The following TYSND1 variants were observed in gnomAD, a reference collection of about 807,000 sequenced individuals.
The protein encoded by TYSND1 is peroxisomal leader peptide-processing protease.
TYSND1 carries 30 observed loss-of-function variants against 37.2 expected under a neutral mutation model. That is an observed-to-expected ratio of 0.81 (90% confidence interval 0.60 to 1.09). TYSND1 has a LOEUF of 1.09. Among genes scored for constraint, TYSND1 ranks in the 50% least tolerant of loss-of-function variants. The pLI, the probability that TYSND1 is intolerant of heterozygous loss-of-function variation, is 0.00. For missense variants in TYSND1, 806 were observed against 817.4 expected, an observed-to-expected ratio of 0.99 and a Z score of 0.17; for synonymous variants, 364 against 383.8, an observed-to-expected ratio of 0.95 and a Z score of 0.60.
At chr10:70,142,515 CAGG>C (rs1199491660) in intron 3 of TYSND1, among the ~76,000 whole-genome samples, 150 bp downstream of exon 3, 3 of 152,132 alleles carry the variant, frequency 2.0e-5, no homozygotes, top group East Asian at 3.9e-4. Flanking sequence ...TCTCCACCAT[CAGG>C]AGAACAGCCT....
Position 70,138,802 on chromosome 10 carries a change from A to G in TYSND1, c.*1122T>C. On this transcript the variant is annotated 3_prime_UTR_variant, in exon 4 of 4. Transcript: ENST00000287078. ...CACCCTGCTGAGAAAACAGCACAGAAAGGGTGTATTTCTGGGTTGGGCACA... is the reference window on the plus strand; with the variant it reads ...CACCCTGCTGAGAAAACAGCACAGAGAGGGTGTATTTCTGGGTTGGGCACA... The G allele has an allele frequency of 6.6e-6, 1 of 152,330 alleles. No homozygotes were observed. The highest frequency in any genetic ancestry group is 1.5e-5 in the Non-Finnish European group (1 of 68,144). 9.4% of individuals were successfully genotyped at this position (152,330 alleles called of 1,614,324 possible).
At chr10:70,144,552 G>C in intron 1 of TYSND1, 1 of 987,624 alleles carries the variant, frequency 1.0e-6, no homozygotes, top group Non-Finnish European at 1.2e-6. Flanking sequence ...CAACTCCCGG[G>C]GAGGCAGCTT....
chr10:70,139,628 C>T lies in TYSND1; in HGVS notation c.*296G>A. On this transcript the variant is annotated 3_prime_UTR_variant, in exon 4 of 4. Transcript: ENST00000287078. The stretch of plus-strand genomic sequence containing the variant: ...ACCTGTCAGGCCCAGAACTTCTGTG[C>T]AGTTGGAGTGGGCTCCCCAGAAGGA... The T allele has an allele frequency of 3.3e-6, 1 of 302,288 alleles. No individual in the cohort carries two copies. Among genetic ancestry groups the T allele is most frequent in the Non-Finnish European group, 6.1e-6 (1 of 163,840 alleles). 18.7% of individuals were successfully genotyped at this position (302,288 alleles called of 1,614,324 possible). A position where few individuals can be genotyped will look rare whatever the true frequency, so the allele number is the denominator to read the frequency against.
intron 1 of TYSND1, among the ~76,000 whole-genome samples, chr10:70,145,188 G>A (rs1336848025): frequency 6.6e-6 from 1 of 152,150 alleles, no homozygotes; most frequent in Non-Finnish European, 1.5e-5. Context: ...GATTCAGGGT[G>A]TCCCACAGTA....
Position 70,139,549 on chromosome 10 carries a change from C to A in TYSND1, c.*375G>T, listed in dbSNP as rs1246507894. 2 of 179,996 alleles carry A rather than the reference C, an allele frequency of 1.1e-5. No individual in the cohort carries two copies. The highest frequency in any genetic ancestry group is 2.4e-5 in the African/African-American group (1 of 42,494). 11.1% of individuals were successfully genotyped at this position (179,996 alleles called of 1,614,324 possible). A position where few individuals can be genotyped will look rare whatever the true frequency, so the allele number is the denominator to read the frequency against. On this transcript the variant is annotated 3_prime_UTR_variant, in exon 4 of 4. Coordinates refer to ENST00000287078, the MANE Select transcript of TYSND1 (RefSeq NM_173555.4). ...ATTGAAGCTCCAGGATGACGATGGC[C>A]CTCAGGGGAACAGACGCAAAACCAG... is the stretch of plus-strand genomic sequence containing the variant.
At chr10:70,144,507 C>T (rs571127820) in intron 1 of TYSND1, 1 of 987,848 alleles carries the variant, frequency 1.0e-6, no homozygotes, top group Non-Finnish European at 1.2e-6. Context: ...CTGTAGCACA[C>T]GACGTGACAG....
intron 1 of TYSND1, chr10:70,144,801 C>T: frequency 2.0e-6 from 2 of 985,516 alleles, no homozygotes; most frequent in Non-Finnish European, 1.2e-6. Context: ...GGCAGTGTTA[C>T]CCACACCTGG....
chr10:70,138,164 T>C lies in TYSND1; in HGVS notation c.*1760A>G, dbSNP rs150321499. ...GCTCTCTGAACCCTGTCCTCTTGGG[T>C]TTTTATGGAAGGTTCATGACATCAA... On this transcript the variant is annotated 3_prime_UTR_variant, in exon 4 of 4. Transcript: ENST00000287078. The C allele has an allele frequency of 2.0e-5, 3 of 151,956 alleles. No individual in the cohort carries two copies. The highest frequency in any genetic ancestry group is 7.2e-5 in the African/African-American group (3 of 41,438). 9.4% of individuals were successfully genotyped at this position (151,956 alleles called of 1,614,324 possible).
At chr10:70,140,248 T>G (rs1178645158) in intron 3 of TYSND1, 107 bp from the exon 4 acceptor site, 1 of 873,770 alleles carries the variant, frequency 1.1e-6, no homozygotes, top group East Asian at 2.7e-5. Flanking sequence ...CTGGTAGGGC[T>G]GGATACCACC....
chr10:70,146,592 C>T lies in TYSND1; in HGVS notation c.-6G>A, dbSNP rs568392077. 19 of 1,520,926 alleles carry T rather than the reference C, an allele frequency of 1.2e-5. No homozygotes were observed. The highest frequency in any genetic ancestry group is 2.1e-5 in the Admixed American group (1 of 48,456). 94.2% of individuals were successfully genotyped at this position (1,520,926 alleles called of 1,614,324 possible). On this transcript the variant is annotated 5_prime_UTR_variant, in exon 1 of 4. Coordinates refer to ENST00000287078, the MANE Select transcript of TYSND1 (RefSeq NM_173555.4). Reference sequence around the variant, plus strand: ...GACCCCCACTGCCTTCTCATGGCCTCTAGGCCGGACACTCGGGAGCTTCTC... The same window carrying T: ...GACCCCCACTGCCTTCTCATGGCCTTTAGGCCGGACACTCGGGAGCTTCTC...
chr10:70,142,646 AG>A (rs1214227519), intron 3 of TYSND1, 21 bp downstream of exon 3: 2 of 1,142,630 alleles, frequency 1.8e-6, no homozygotes, highest in Non-Finnish European at 2.3e-6. Context: ...GGAGGGCGGG[AG>A]GGGGCCAAAG....
At chr10:70,140,795 C>T (rs541228285) in intron 3 of TYSND1, among the ~76,000 whole-genome samples, 1 of 152,236 alleles carries the variant, frequency 6.6e-6, no homozygotes, top group African/African-American at 2.4e-5. Flanking sequence ...ACATGAGTTG[C>T]ACTAGTTTTT....
Position 70,138,324 on chromosome 10 carries a change from T to C in TYSND1, c.*1600A>G, listed in dbSNP as rs1158884315. 1 of 152,214 alleles carries C rather than the reference T, an allele frequency of 6.6e-6. No homozygotes were observed. Among genetic ancestry groups the C allele is most frequent in the Non-Finnish European group, 1.5e-5 (1 of 68,038 alleles). The allele number at this position is 152,214 out of a possible 1,614,324, so 9.4% of individuals were successfully genotyped here. A position where few individuals can be genotyped will look rare whatever the true frequency, so the allele number is the denominator to read the frequency against. On this transcript the variant is annotated 3_prime_UTR_variant, in exon 4 of 4. Transcript: ENST00000287078. ...CCAAGCCCTAACATACCCAGTATTCTAACAAAGACTGGAACAAGGACTATG... is the reference window on the plus strand; with the variant it reads ...CCAAGCCCTAACATACCCAGTATTCCAACAAAGACTGGAACAAGGACTATG...
Position 70,139,134 on chromosome 10 carries a change from TC to T in TYSND1, c.*789del, listed in dbSNP as rs2072718310. The T allele has an allele frequency of 6.6e-6, 1 of 151,880 alleles. No homozygotes were observed. Among genetic ancestry groups the T allele is most frequent in the Admixed American group, 6.6e-5 (1 of 15,234 alleles). 9.4% of individuals were successfully genotyped at this position (151,880 alleles called of 1,614,324 possible). ...AAAAAAAAAAAGGAAAGGGTGTGTT[TC>T]TTTGCCTGGTACTTGCCTATTCCCA... On this transcript the variant is annotated 3_prime_UTR_variant, in exon 4 of 4. Coordinates refer to ENST00000287078, the MANE Select transcript of TYSND1 (RefSeq NM_173555.4).
intron 2 of TYSND1, 75 bp downstream of exon 2, chr10:70,143,767 A>G (rs779716076): frequency 6.4e-7 from 1 of 1,573,922 alleles, no homozygotes; most frequent in Non-Finnish European, 8.7e-7. Context: ...GAGAATGCCC[A>G]ACACTGATTC....
Position 70,145,659 on chromosome 10 carries a change from G to C in TYSND1, c.928C>G (p.Leu310Val). 1 of 1,391,562 alleles carries C rather than the reference G, an allele frequency of 7.2e-7. No homozygotes were observed. The highest frequency in any genetic ancestry group is 9.2e-7 in the Non-Finnish European group (1 of 1,082,462). The allele number at this position is 1,391,562 out of a possible 1,614,324, so 86.2% of individuals were successfully genotyped here. A position where few individuals can be genotyped will look rare whatever the true frequency, so the allele number is the denominator to read the frequency against. The change falls in exon 1 of 4, where the codon CTT (leucine) becomes GTT (valine). Residue 310 changes from leucine to valine, a missense_variant. By Grantham distance (32) the Leu-to-Val change is conservative (BLOSUM62 1). Around this residue, in one of 3 missense-constraint regions of TYSND1, gnomAD observed 708 missense variants for 705.4 expected, o/e 1.00. Coordinates refer to ENST00000287078, the MANE Select transcript of TYSND1 (RefSeq NM_173555.4). Reference sequence around the variant, plus strand: ...GCGGTGCTGTGCGGCAGGCGGTGAAGCGCGTCGCGGGCGGCGCGGAAAAGG... The same window carrying C: ...GCGGTGCTGTGCGGCAGGCGGTGAACCGCGTCGCGGGCGGCGCGGAAAAGG... ...APLFRAARDA[L>V]HRLPHSTAAL...
At position 70,139,829 on chromosome 10, in the gene TYSND1, G is replaced by A. The variant is rs2072732071; in HGVS notation, c.*95C>T. 6 of 1,282,412 alleles carry A rather than the reference G, an allele frequency of 4.7e-6. No individual in the cohort carries two copies. Among genetic ancestry groups the A allele is most frequent in the African/African-American group, 2.9e-5 (2 of 67,886 alleles). The allele number at this position is 1,282,412 out of a possible 1,614,324, so 79.4% of individuals were successfully genotyped here. A position where few individuals can be genotyped will look rare whatever the true frequency, so the allele number is the denominator to read the frequency against. On this transcript the variant is annotated 3_prime_UTR_variant, in exon 4 of 4. Transcript: ENST00000287078. ...TGAGAGGCAGCCTGGGCCCCTGCAG[G>A]GGCTGGGCCCTGAATCCTGAGGCCA...
chr10:70,145,565 G>T lies in TYSND1; in HGVS notation c.1022C>A (p.Pro341His), dbSNP rs1347200813. 3 of 1,487,254 alleles carry T rather than the reference G, an allele frequency of 2.0e-6. No individual in the cohort carries two copies. The highest frequency in any genetic ancestry group is 1.4e-5 in the African/African-American group (1 of 69,140). 92.1% of individuals were successfully genotyped at this position (1,487,254 alleles called of 1,614,324 possible). The change falls in exon 1 of 4, where the codon CCC (proline) becomes CAC (histidine). Residue 341 changes from proline to histidine, a missense_variant. Physicochemically the swap from Pro to His is moderately conservative, Grantham distance 77. Coordinates refer to ENST00000287078, the MANE Select transcript of TYSND1 (RefSeq NM_173555.4). Reference protein sequence around the residue: ...PWGLPLRDSGPLWAAAAVLVE... With the variant: ...PWGLPLRDSGHLWAAAAVLVE... ...CAACACTGCCGCGGCTGCCCACAGG[G>T]GCCCGGAGTCTCGGAGGGGCAGACC...
At position 70,142,786 on chromosome 10, in the gene TYSND1, G is replaced by A. The variant is rs1293760416; in HGVS notation, c.1365C>T (p.Gly455=). Residue 455 remains glycine, a synonymous_variant, in exon 3 of 4, where the codon GGC becomes GGT. Transcript: ENST00000287078. ...GQSCGPSVTS[G]ILSAVVQVNG... is the part of the protein sequence containing the mutation. ...TCACCTGCACCACAGCCGAAAGGATGCCTGAGGTCACCGAGGGCCCGCAAG... is the reference window on the plus strand; with the variant it reads ...TCACCTGCACCACAGCCGAAAGGATACCTGAGGTCACCGAGGGCCCGCAAG... The A allele has an allele frequency of 6.2e-7, 1 of 1,614,030 alleles. No homozygotes were observed. The highest frequency in any genetic ancestry group is 1.7e-5 in the Admixed American group (1 of 60,004).
Sources: allele counts gnomAD v4.1 joint callset (sites outside exome capture counted in the v4.1 genomes callset), GRCh38; gene constraint gnomAD v4.1.1; regional missense constraint gnomAD v4.1.1; transcripts MANE v1.5; gene names NCBI Gene and HGNC (gene_info 2026-07-23, HGNC 2026-07-21).